The following EXT1 variants were observed in gnomAD, a reference collection of about 807,000 sequenced individuals.
EXT1 encodes exostosin-1.
In EXT1, 20 loss-of-function variants were observed where a neutral mutation model predicts 82.5. The ratio of observed to expected loss-of-function variants is 0.24; its 90% confidence interval spans 0.17 to 0.35. EXT1 has a LOEUF of 0.35. EXT1 is among the 10% of genes least tolerant of loss of function. EXT1 has a pLI of 1.00. For synonymous variants in EXT1, 348 were observed against 350.8 expected (o/e 0.99, Z 0.09); for missense variants, 757 against 936.5 (o/e 0.81, Z 2.50).
intron 1 of EXT1, among the ~76,000 whole-genome samples, chr8:118,008,929 T>C (rs1379233452): frequency 6.6e-6 from 1 of 152,176 alleles, no homozygotes; most frequent in African/African-American, 2.4e-5. Context: ...GTGTTAGATG[T>C]GATTGCTATT....
At chr8:117,945,972 A>G (rs17475952) in intron 1 of EXT1, among the ~76,000 whole-genome samples, 8,718 of 152,240 alleles carry the variant, frequency 0.057, 873 homozygotes, top group African/African-American at 0.2. Context: ...GCGCAATCTC[A>G]GCTCACTGCA....
chr8:117,958,404 A>G (rs1392747968), intron 1 of EXT1, among the ~76,000 whole-genome samples: 1 of 152,218 alleles, frequency 6.6e-6, no homozygotes, highest in East Asian at 1.9e-4. Flanking sequence ...GAAAGAGCCA[A>G]ACATGTGTCT....
intron 1 of EXT1, among the ~76,000 whole-genome samples, chr8:118,010,344 C>T (rs1172544604): frequency 2.0e-5 from 3 of 148,090 alleles, no homozygotes; most frequent in Non-Finnish European, 4.4e-5. Context: ...TGCACTCCAG[C>T]CTGAGCGACA....
At chr8:118,014,742 C>A (rs1815970713) in intron 1 of EXT1, among the ~76,000 whole-genome samples, 1 of 152,084 alleles carries the variant, frequency 6.6e-6, no homozygotes, top group Admixed American at 6.6e-5. Context: ...CCCAGCCAAG[C>A]ATCCTTCCTA....
chr8:118,098,978 A>G (rs1429192645), intron 1 of EXT1, among the ~76,000 whole-genome samples: 1 of 152,124 alleles, frequency 6.6e-6, no homozygotes, highest in Non-Finnish European at 1.5e-5. Flanking sequence ...TCAAATGGAG[A>G]TCTTACTCTT....
At chr8:118,012,988 T>C (rs576628713) in intron 1 of EXT1, among the ~76,000 whole-genome samples, 1 of 152,264 alleles carries the variant, frequency 6.6e-6, no homozygotes, top group East Asian at 1.9e-4. Context: ...AATGAAAACA[T>C]GCATAATGTG....
intron 4 of EXT1, among the ~76,000 whole-genome samples, chr8:117,829,272 C>T (rs1812057296): frequency 6.6e-6 from 1 of 152,144 alleles, no homozygotes; most frequent in Non-Finnish European, 1.5e-5. Context: ...TTAATCATCT[C>T]CATGCTTCCT....
chr8:118,041,398 T>C (rs1260155060), intron 1 of EXT1, among the ~76,000 whole-genome samples: 2 of 152,152 alleles, frequency 1.3e-5, no homozygotes, highest in African/African-American at 4.8e-5. Flanking sequence ...CAGGCACCTT[T>C]TGAGGCATGG....
At chr8:118,094,475 C>T (rs998891607) in intron 1 of EXT1, among the ~76,000 whole-genome samples, 7 of 152,126 alleles carry the variant, frequency 4.6e-5, no homozygotes, top group African/African-American at 9.7e-5. Flanking sequence ...CACATACAAA[C>T]GGTAAGCCTG....
chr8:117,976,313 CA>C (rs1815064340), intron 1 of EXT1, among the ~76,000 whole-genome samples: 1 of 152,192 alleles, frequency 6.6e-6, no homozygotes, highest in African/African-American at 2.4e-5. Context: ...AAAATACATA[CA>C]TATGAGAATG....
chr8:118,050,932 T>C (rs1233548812), intron 1 of EXT1, among the ~76,000 whole-genome samples: 1 of 152,186 alleles, frequency 6.6e-6, no homozygotes, highest in Admixed American at 6.5e-5. Context: ...CTTATTCCCA[T>C]TTCATTATAG....
intron 1 of EXT1, among the ~76,000 whole-genome samples, chr8:118,093,268 C>CAAAAAA (rs10594150): frequency 3.0e-5 from 2 of 66,780 alleles, no homozygotes; most frequent in Admixed American, 2.1e-4. Context: ...AAATTCCCAG[C>CAAAAAA]AAAAAAAAAA....
Position 117,795,805 on chromosome 8 carries a change from A to G in EXT1, c.*3907T>C, listed in dbSNP as rs1011834672. On this transcript the variant is annotated 3_prime_UTR_variant, in exon 11 of 11. Transcript: ENST00000378204. The stretch of plus-strand genomic sequence containing the variant: ...GACAGGGCAAGACTCTGTCTCAAAG[A>G]AAAAAAAAAGACTTGGTGTCAAAGG... 4.7e-5 allele frequency: 7 copies of G among 149,334 alleles called. No homozygotes were observed. The highest frequency in any genetic ancestry group is 1.5e-4 in the African/African-American group (6 of 40,684). The allele number at this position is 149,334 out of a possible 1,614,324, so 9.3% of individuals were successfully genotyped here.
At chr8:117,815,702 C>A (rs889093162) in intron 7 of EXT1, among the ~76,000 whole-genome samples, 1 of 152,086 alleles carries the variant, frequency 6.6e-6, no homozygotes, top group Non-Finnish European at 1.5e-5. Context: ...GAGGCCTAGG[C>A]GGTGGATCAC....
intron 1 of EXT1, among the ~76,000 whole-genome samples, chr8:118,010,559 C>T (rs1236572921): frequency 3.9e-5 from 6 of 152,088 alleles, no homozygotes; most frequent in South Asian, 4.1e-4. Flanking sequence ...GAATGTGTTA[C>T]GCTGACCTCC....
intron 1 of EXT1, among the ~76,000 whole-genome samples, chr8:118,072,967 G>A (rs1817124333): frequency 2.0e-5 from 3 of 152,182 alleles, no homozygotes; most frequent in Admixed American, 2.0e-4. Context: ...GACACGAGGA[G>A]CACGATTACC....
At chr8:118,096,996 C>A (rs1009432689) in intron 1 of EXT1, among the ~76,000 whole-genome samples, 1 of 152,182 alleles carries the variant, frequency 6.6e-6, no homozygotes, top group Non-Finnish European at 1.5e-5. Flanking sequence ...GTCAGTCGGG[C>A]ATGGTGCTGA....
chr8:118,091,808 C>G (rs1817531334), intron 1 of EXT1, among the ~76,000 whole-genome samples: 1 of 152,010 alleles, frequency 6.6e-6, no homozygotes, highest in Non-Finnish European at 1.5e-5. Context: ...TATGTATCTT[C>G]TAAACTTACT....
intron 1 of EXT1, among the ~76,000 whole-genome samples, chr8:117,944,698 G>A (rs1019438127): frequency 1.3e-5 from 2 of 152,084 alleles, no homozygotes; most frequent in Non-Finnish European, 2.9e-5. Context: ...TATTAAAGAA[G>A]AATACACATA....
Sources: allele counts gnomAD v4.1 joint callset (sites outside exome capture counted in the v4.1 genomes callset), GRCh38; gene constraint gnomAD v4.1.1; transcripts MANE v1.5; gene names NCBI Gene and HGNC (gene_info 2026-07-23, HGNC 2026-07-21).